Variants in DEPDC5 observed in about 807,000 individuals in gnomAD.
The protein encoded by DEPDC5 is GATOR1 complex protein DEPDC5.
DEPDC5 carries 73 observed loss-of-function variants against 217.3 expected under a neutral mutation model. The ratio of observed to expected loss-of-function variants is 0.34; its 90% CI spans 0.28 to 0.41. The LOEUF (loss-of-function observed/expected upper bound fraction) is 0.41. Among genes scored for constraint, DEPDC5 ranks in the 10% least tolerant of loss-of-function variants. The probability of loss-of-function intolerance (pLI) is 1.00; values close to 1 mark genes in which losing one functional copy is unlikely to be tolerated. For synonymous variants in DEPDC5, 733 were observed against 756.7 expected (o/e 0.97, Z 0.51); for missense variants, 1,675 against 2,070.1 (o/e 0.81, Z 3.70).
intron 7 of DEPDC5, among the ~76,000 whole-genome samples, chr22:31,775,382 G>A (rs1469839970): frequency 6.6e-6 from 1 of 151,956 alleles, no homozygotes; most frequent in African/African-American, 2.4e-5. Flanking sequence ...GTTTCACCAT[G>A]TTGGCCAGGC....
At chr22:31,870,923 C>T (rs2092823532) in intron 34 of DEPDC5, among the ~76,000 whole-genome samples, 179 bp downstream of exon 34, 1 of 152,226 alleles carries the variant, frequency 6.6e-6, no homozygotes, top group Non-Finnish European at 1.5e-5. Flanking sequence ...TGATCTGTTT[C>T]CTGCCATCCT....
At position 31,837,164 on chromosome 22, in the gene DEPDC5, CAG is replaced by C; in HGVS notation, c.2354+13_2354+14del. Reference sequence around the variant, plus strand: ...GAAGCAGACATCGACAGGTCAGTGTCAGAGAAAAAGGCACTTGGCTTGGTTGG... The same window carrying C: ...GAAGCAGACATCGACAGGTCAGTGTCAGAAAAAGGCACTTGGCTTGGTTGG... On this transcript the variant is annotated intron_variant, in intron 26 of 42. Coordinates refer to ENST00000651528, the MANE Select transcript of DEPDC5 (RefSeq NM_001242896.3). The C allele has an allele frequency of 1.2e-6, 2 of 1,613,594 alleles. No individual in the cohort carries two copies. Among genetic ancestry groups the C allele is most frequent in the Non-Finnish European group, 8.5e-7 (1 of 1,179,772 alleles).
chr22:31,757,592 C>T (rs1404200870), intron 2 of DEPDC5: 3 of 152,190 alleles, frequency 2.0e-5, no homozygotes, highest in African/African-American at 7.2e-5. Flanking sequence ...TCTAGATAAA[C>T]TTAATTGTCA....
At chr22:31,808,131 C>T (rs960334940) in intron 18 of DEPDC5, among the ~76,000 whole-genome samples, 7 of 152,026 alleles carry the variant, frequency 4.6e-5, no homozygotes, top group East Asian at 3.9e-4. Context: ...GACAGAGTCT[C>T]GCTCTGTCAT....
At chr22:31,870,824 A>C in intron 34 of DEPDC5, 80 bp downstream of exon 34, 1 of 1,407,278 alleles carries the variant, frequency 7.1e-7, no homozygotes, top group East Asian at 2.7e-5. Flanking sequence ...GCTGAAGTCC[A>C]AAGCTCTGGG....
At chr22:31,806,594 G>A (rs1316823410) in intron 18 of DEPDC5, among the ~76,000 whole-genome samples, 1 of 152,218 alleles carries the variant, frequency 6.6e-6, no homozygotes, top group Non-Finnish European at 1.5e-5. Context: ...ATTGTGACCT[G>A]ACTGTTTTAT....
At chr22:31,822,143 C>T (rs955394882) in intron 23 of DEPDC5, among the ~76,000 whole-genome samples, 1 of 152,234 alleles carries the variant, frequency 6.6e-6, no homozygotes, top group Non-Finnish European at 1.5e-5. Flanking sequence ...GAATGTGTTA[C>T]GAACATCCAG....
intron 24 of DEPDC5, among the ~76,000 whole-genome samples, chr22:31,830,294 A>T (rs1488767512): frequency 6.6e-6 from 1 of 152,258 alleles, no homozygotes; most frequent in Non-Finnish European, 1.5e-5. Flanking sequence ...CAGAGCTGAG[A>T]TGACTCTTAC....
rs573366084 is a variant in DEPDC5, at chr22:31,905,493, A to T, written c.4437-491A>T. ...ATTCCCTCTCACCAAAAAAAAAGAT[A>T]AGGACCTTCCCTGGAGGAATGGATA... On this transcript the variant is annotated intron_variant, in intron 41 of 42. Coordinates refer to ENST00000651528, the MANE Select transcript of DEPDC5 (RefSeq NM_001242896.3). Among the ~76,000 whole-genome samples the T allele has an allele frequency of 8.6e-5, 13 of 151,942 alleles. No individual in the cohort carries two copies. In the South Asian group the frequency reaches 2.5e-3, roughly 29 times the overall value.
intron 7 of DEPDC5, among the ~76,000 whole-genome samples, chr22:31,777,463 T>C (rs573482255): frequency 1.5e-4 from 23 of 151,508 alleles, no homozygotes; most frequent in African/African-American, 4.9e-4. Context: ...CATTTCACCA[T>C]GTTGGTCAGG....
At chr22:31,858,957 G>A (rs2092404908) in intron 32 of DEPDC5, 1 of 151,958 alleles carries the variant, frequency 6.6e-6, no homozygotes, top group East Asian at 1.9e-4. Flanking sequence ...TGGGCAACTT[G>A]TAAACCAAAC....
intron 17 of DEPDC5, 104 bp from the exon 18 acceptor site, chr22:31,806,018 A>G (rs1360610737): frequency 7.7e-6 from 7 of 905,236 alleles, no homozygotes; most frequent in Non-Finnish European, 1.2e-5. Flanking sequence ...GCTGAGAACA[A>G]AGCCCATGTC....
intron 7 of DEPDC5, among the ~76,000 whole-genome samples, chr22:31,775,487 C>A (rs1378002622): frequency 1.3e-5 from 2 of 151,968 alleles, no homozygotes; most frequent in East Asian, 3.9e-4. Context: ...CTTTGTCTTC[C>A]TTTTTTATGA....
intron 27 of DEPDC5, among the ~76,000 whole-genome samples, chr22:31,841,777 T>TCC (rs1453762272): frequency 4.6e-5 from 7 of 152,320 alleles, no homozygotes; most frequent in Admixed American, 4.6e-4. Flanking sequence ...GGGAGTAACC[T>TCC]CCGGTCCTTT....
chr22:31,785,021 A>C, intron 10 of DEPDC5, 146 bp downstream of exon 10: 79 of 601,282 alleles, frequency 1.3e-4, no homozygotes, highest in East Asian at 2.7e-4. Flanking sequence ...TAATAATCTC[A>C]ATTTATGAGA....
At chr22:31,857,339 G>C (rs2092339834) in intron 31 of DEPDC5, 106 bp from the exon 32 acceptor site, 1 of 856,628 alleles carries the variant, frequency 1.2e-6, no homozygotes, top group Non-Finnish European at 1.8e-6. Flanking sequence ...GCAGAAGTGT[G>C]TGTTTCAAAG....
At chr22:31,896,424 A>G (rs2093553818) in intron 39 of DEPDC5, among the ~76,000 whole-genome samples, 1 of 152,192 alleles carries the variant, frequency 6.6e-6, no homozygotes, top group Non-Finnish European at 1.5e-5. Context: ...AATTTTTTAC[A>G]TAATCATTTG....
chr22:31,814,476 T>G (rs190786621), intron 20 of DEPDC5: 339 of 154,838 alleles, frequency 2.2e-3, no homozygotes, highest in Non-Finnish European at 3.7e-3. Context: ...ATAATGCCTT[T>G]TGTGTGTGTG....
At chr22:31,817,458 T>G (rs186736615) in intron 21 of DEPDC5, 112 of 483,208 alleles carry the variant, frequency 2.3e-4, no homozygotes, top group Admixed American at 9.6e-4. Context: ...ATGCATACCC[T>G]TGATGGCCTG....
Sources: gnomAD v4.1 joint callset for allele counts (sites outside exome capture counted in the v4.1 genomes callset) on GRCh38, gnomAD v4.1.1 for gene constraint, MANE v1.5 for transcripts, NCBI Gene and HGNC (gene_info 2026-07-23, HGNC 2026-07-21) for gene names.